RSPH14: variants seen among roughly 807,000 people sequenced by gnomAD.
RSPH14 encodes rhabdoid tumor deletion region gene 1.
In RSPH14, 20 loss-of-function variants were observed where a neutral mutation model predicts 26.7. That is an observed-to-expected ratio of 0.75 (90% CI 0.53 to 1.09). The LOEUF is 1.09. RSPH14 is among the 50% of genes least tolerant of loss of function. The pLI is 0.00. For missense variants in RSPH14, 449 were observed against 457.2 expected (o/e 0.98, Z 0.16); for synonymous variants, 177 against 189.3 (o/e 0.93, Z 0.53).
the RSPH14 span, among the ~76,000 whole-genome samples, chr22:23,171,604 G>A: frequency 6.6e-6 from 1 of 152,134 alleles, no homozygotes; most frequent in Admixed American, 6.5e-5. Flanking sequence ...AGCACCTTGA[G>A]AGGCAGTGGG....
chr22:23,156,140 T>TGAGAAAA, the RSPH14 span: 1 of 955,890 alleles, frequency 1.0e-6, no homozygotes, highest in Non-Finnish European at 1.6e-6. Flanking sequence ...TTTTTTGTCC[T>TGAGAAAA]CCAAGACCCA....
chr22:23,094,954 C>T (rs956718069), intron 4 of RSPH14, among the ~76,000 whole-genome samples: 16 of 152,230 alleles, frequency 1.1e-4, no homozygotes, highest in Non-Finnish European at 1.9e-4. Flanking sequence ...TAACTGGATG[C>T]GGTAGAAGTG....
rs1483835484 is a variant in RSPH14, at chr22:23,102,356, G to A, written c.421+31670C>T. Among the ~76,000 whole-genome samples the A allele has an allele frequency of 2.6e-5, 4 of 152,318 alleles. No homozygotes were observed. The East Asian group carries it at 7.7e-4, about 29-fold the overall frequency. On this transcript the variant is annotated intron_variant, in intron 4 of 6. Transcript: ENST00000216036. ...GCAGCATGTCCTGGCACCTATTTGA[G>A]GCCCTTGCTAGCACTTCAGTCCTTG...
chr22:23,103,767 C>G (rs2069374964), intron 4 of RSPH14, among the ~76,000 whole-genome samples: 1 of 152,194 alleles, frequency 6.6e-6, no homozygotes, highest in African/African-American at 2.4e-5. Context: ...CTGACAAACT[C>G]AGTCTAGGGA....
chr22:23,118,521 A>C (rs916891933), intron 4 of RSPH14, among the ~76,000 whole-genome samples: 3 of 142,330 alleles, frequency 2.1e-5, no homozygotes, highest in African/African-American at 7.6e-5. Flanking sequence ...AGGTGAAGGC[A>C]AGGAGGGCTT....
the RSPH14 span, chr22:23,159,186 C>T: frequency 3.6e-5 from 58 of 1,611,028 alleles, no homozygotes; most frequent in South Asian, 3.7e-4. Context: ...GTGAGCAGGC[C>T]GAAGCAGACG....
At chr22:23,165,270 C>T in the RSPH14 span, among the ~76,000 whole-genome samples, 1 of 152,194 alleles carries the variant, frequency 6.6e-6, no homozygotes, top group African/African-American at 2.4e-5. Context: ...CACTCTGACC[C>T]AGATGCCACC....
chr22:23,154,937 C>T, the RSPH14 span, among the ~76,000 whole-genome samples: 1 of 152,078 alleles, frequency 6.6e-6, no homozygotes. Context: ...ACCAGCCTGA[C>T]CAACATGGAG....
At chr22:23,060,084 G>A (rs2068060734) in intron 6 of RSPH14, among the ~76,000 whole-genome samples, 3 of 152,018 alleles carry the variant, frequency 2.0e-5, no homozygotes, top group Admixed American at 6.6e-5. Flanking sequence ...GAGACTGAGC[G>A]GGGAGGATCA....
At chr22:23,107,100 G>A (rs1268038692) in intron 4 of RSPH14, among the ~76,000 whole-genome samples, 1 of 152,254 alleles carries the variant, frequency 6.6e-6, no homozygotes, top group Admixed American at 6.5e-5. Context: ...GCGGCAGCCT[G>A]TTATCTTGTT....
In RSPH14 at chr22:23,138,841, T is replaced by A; in HGVS notation, c.301A>T (p.Arg101Ter). Residue 101 changes from arginine (R) to a stop codon, truncating the protein, a stop_gained and splice_region_variant, in exon 3 of 7, where the codon AGA becomes TGA. Transcript: ENST00000216036. LOFTEE classifies it high-confidence loss of function. Reference sequence around the variant, plus strand: ...CTGGTTTCCAGAACAGCATCCCACCTGCCCACGCTATGGCTTGCCGTGATG... The same window carrying A: ...CTGGTTTCCAGAACAGCATCCCACCAGCCCACGCTATGGCTTGCCGTGATG... The part of the protein sequence containing the change: ...LHITASHSVG[R>*]YAFLEHDIVL... 1 of 1,551,192 alleles carries A rather than the reference T, an allele frequency of 6.4e-7. No individual in the cohort carries two copies. The highest frequency in any genetic ancestry group is 8.7e-7 in the Non-Finnish European group (1 of 1,146,894).
chr22:23,076,712 C>T (rs191099183), intron 4 of RSPH14, among the ~76,000 whole-genome samples: 21 of 152,348 alleles, frequency 1.4e-4, no homozygotes. Flanking sequence ...CCTTCAGAGG[C>T]ATGTCTATGG....
chr22:23,136,534 G>GTC (rs2070488609), intron 3 of RSPH14, among the ~76,000 whole-genome samples: 1 of 138,738 alleles, frequency 7.2e-6, no homozygotes, highest in Non-Finnish European at 1.6e-5. Context: ...ACTTCACCAT[G>GTC]TCTTCCTGCC....
At chr22:23,072,307 G>A (rs1433991238) in intron 4 of RSPH14, among the ~76,000 whole-genome samples, 1 of 152,146 alleles carries the variant, frequency 6.6e-6, no homozygotes, top group African/African-American at 2.4e-5. Context: ...GGTGCAGTGG[G>A]GGTGTGGATG....
At chr22:23,142,096 C>T (rs761509120), upstream of RSPH14, 103 of 931,688 alleles carry the variant, frequency 1.1e-4, no homozygotes, top group Non-Finnish European at 1.3e-4. Flanking sequence ...GCGCAAACAG[C>T]CCAAGGCTGC....
the RSPH14 span, among the ~76,000 whole-genome samples, chr22:23,153,921 T>C: frequency 6.6e-6 from 1 of 152,048 alleles, no homozygotes; most frequent in Non-Finnish European, 1.5e-5. Context: ...ACTCCTGACC[T>C]CAAGTGCTCC....
chr22:23,158,561 A>C, the RSPH14 span, among the ~76,000 whole-genome samples: 1 of 152,236 alleles, frequency 6.6e-6, no homozygotes, highest in Non-Finnish European at 1.5e-5. Flanking sequence ...ATTCACACCC[A>C]GCAACTTCCA....
the RSPH14 span, among the ~76,000 whole-genome samples, chr22:23,171,043 C>G: frequency 6.6e-6 from 1 of 152,062 alleles, no homozygotes; most frequent in Non-Finnish European, 1.5e-5. Flanking sequence ...TCTTGGCTCA[C>G]TGCGGCCTCT....
the RSPH14 span, chr22:23,179,830 T>C: frequency 1.1e-4 from 23 of 212,142 alleles, no homozygotes; most frequent in African/African-American, 5.1e-4. Context: ...TCCTGGCCTC[T>C]CTGTGAGTTG....
Sources: allele counts gnomAD v4.1 joint callset (sites outside exome capture counted in the v4.1 genomes callset), GRCh38; gene constraint gnomAD v4.1.1; transcripts MANE v1.5; gene names NCBI Gene and HGNC (gene_info 2026-07-23, HGNC 2026-07-21).